Variants in RALGAPA1 observed in about 807,000 individuals in gnomAD.
The protein encoded by RALGAPA1 is Ral GTPase activating protein catalytic subunit alpha 1, also known as ral GTPase-activating protein subunit alpha-1.
RALGAPA1 carries 52 observed loss-of-function variants against 269.6 expected under a neutral mutation model. The observed-to-expected ratio is 0.19, with a 90% confidence interval of 0.15 to 0.24. The LOEUF is 0.24. Among genes scored for constraint, RALGAPA1 ranks in the 10% least tolerant of loss-of-function variants. The pLI is 1.00. For synonymous variants in RALGAPA1, 817 were observed against 1,008.3 expected, an observed-to-expected ratio of 0.81 and a Z score of 3.60; for missense variants, 1,917 against 3,013.9, an observed-to-expected ratio of 0.64 and a Z score of 8.52.
rs571208276 is a variant in RALGAPA1, at chr14:35,642,884, G to A, written c.5677-7286C>T. 2.0e-5 allele frequency among the ~76,000 whole-genome samples: 3 copies of A among 152,280 alleles called. No individual in the cohort carries two copies. In the South Asian group the frequency reaches 6.2e-4, roughly 32 times the overall value. On this transcript the variant is annotated intron_variant, in intron 31 of 41. Transcript: ENST00000680220. ...TGCTGCTATAAGGACATATGCACGT[G>A]TATGTTTACTGTGGCACTATTCACG...
intron 31 of RALGAPA1, among the ~76,000 whole-genome samples, chr14:35,644,877 C>A (rs1342272602): frequency 1.3e-5 from 2 of 152,078 alleles, no homozygotes; most frequent in South Asian, 2.1e-4. Context: ...AACAAACCTG[C>A]ACATTCTGCA....
At position 35,539,605 on chromosome 14, in the gene RALGAPA1, T is replaced by G; in HGVS notation, c.*109A>C. The G allele has an allele frequency of 6.2e-7, 1 of 1,614,034 alleles. No individual in the cohort carries two copies. On this transcript the variant is annotated 3_prime_UTR_variant, in exon 42 of 42. Coordinates refer to ENST00000680220, the MANE Select transcript of RALGAPA1 (RefSeq NM_001346249.2). The stretch of plus-strand genomic sequence containing the variant: ...TCATGGACATGCGGCTTTTGCTAGT[T>G]CGAGGAGACATTGGAGAGGCCAGGT...
chr14:35,751,973 A>C, intron 8 of RALGAPA1, 51 bp downstream of exon 8: 1 of 1,541,896 alleles, frequency 6.5e-7, no homozygotes. Context: ...ACAGTAAGAG[A>C]TTATTTTACT....
At chr14:35,808,582 G>A (rs2142001816) in intron 1 of RALGAPA1, 148 bp downstream of exon 1, 1 of 787,338 alleles carries the variant, frequency 1.3e-6, no homozygotes, top group Non-Finnish European at 2.0e-6. Context: ...TCGCTTCTCC[G>A]AATTATTCAC....
At chr14:35,790,351 T>G (rs984701283) in intron 1 of RALGAPA1, among the ~76,000 whole-genome samples, 1 of 151,936 alleles carries the variant, frequency 6.6e-6, no homozygotes, top group African/African-American at 2.4e-5. Flanking sequence ...AACAATGATA[T>G]TGGAATGGTG....
At chr14:35,540,794 T>A (rs1030096600) in intron 41 of RALGAPA1, among the ~76,000 whole-genome samples, 4 of 152,164 alleles carry the variant, frequency 2.6e-5, no homozygotes, top group African/African-American at 9.7e-5. Context: ...GTTGCAGGTT[T>A]AACTGTACAC....
At chr14:35,658,977 T>C (rs1040598288) in intron 28 of RALGAPA1, among the ~76,000 whole-genome samples, 161 bp downstream of exon 28, 6 of 152,034 alleles carry the variant, frequency 3.9e-5, no homozygotes, top group Non-Finnish European at 7.4e-5. Flanking sequence ...ATTTAAATCA[T>C]GAAAAAAAGT....
intron 41 of RALGAPA1, chr14:35,541,655 A>G: frequency 2.2e-6 from 1 of 446,082 alleles, no homozygotes; most frequent in Admixed American, 2.4e-5. Context: ...GGCAGAAGGA[A>G]AGTGAAGAGC....
chr14:35,792,924 A>G (rs2076297060), intron 1 of RALGAPA1, among the ~76,000 whole-genome samples: 1 of 151,546 alleles, frequency 6.6e-6, no homozygotes, highest in Non-Finnish European at 1.5e-5. Flanking sequence ...ATCAACTAGT[A>G]AGCTGCTGCA....
At position 35,755,298 on chromosome 14, in the gene RALGAPA1, A is replaced by G. The variant is rs146497222; in HGVS notation, c.663+1495T>C. ...GGCCCAGGAGGTTGAGGCTGCCGTAAGCCATAACTGGGCCACTGTACTCCA... is the reference window on the plus strand; with the variant it reads ...GGCCCAGGAGGTTGAGGCTGCCGTAGGCCATAACTGGGCCACTGTACTCCA... On this transcript the variant is annotated intron_variant, in intron 7 of 41. Coordinates refer to ENST00000680220, the MANE Select transcript of RALGAPA1 (RefSeq NM_001346249.2). 4.5e-3 allele frequency among the ~76,000 whole-genome samples: 691 copies of G among 152,278 alleles called. 8 individuals carry two copies. Among genetic ancestry groups the G allele is most frequent in the African/African-American group, 0.016 (666 of 41,562 alleles).
chr14:35,695,911 T>C (rs1050104127), intron 17 of RALGAPA1, among the ~76,000 whole-genome samples: 2 of 152,138 alleles, frequency 1.3e-5, no homozygotes, highest in Admixed American at 6.5e-5. Flanking sequence ...CAAAGGCCAA[T>C]GAGAGAGAAG....
In RALGAPA1 at chr14:35,647,041, A is replaced by T. The variant is rs1370520400; in HGVS notation, c.5676+4764T>A. Reference sequence around the variant, plus strand: ...TATGGACTTTGGCATCTATCTGTCAATCACAGATTCCAGTCTTGGCTCTGA... The same window carrying T: ...TATGGACTTTGGCATCTATCTGTCATTCACAGATTCCAGTCTTGGCTCTGA... On this transcript the variant is annotated intron_variant, in intron 31 of 41. Transcript: ENST00000680220. Among the ~76,000 whole-genome samples, 4 of 152,310 alleles carry T rather than the reference A, an allele frequency of 2.6e-5. No homozygotes were observed. In the East Asian group the frequency reaches 5.8e-4, roughly 22 times the overall value.
At chr14:35,805,046 G>C (rs941916072) in intron 1 of RALGAPA1, among the ~76,000 whole-genome samples, 1 of 151,594 alleles carries the variant, frequency 6.6e-6, no homozygotes, top group African/African-American at 2.4e-5. Flanking sequence ...CCAGCACTTT[G>C]GGAGGCTGAG....
At chr14:35,692,073 A>C (rs1489301687) in intron 17 of RALGAPA1, among the ~76,000 whole-genome samples, 4 of 152,124 alleles carry the variant, frequency 2.6e-5, no homozygotes, top group Non-Finnish European at 4.4e-5. Context: ...TCGGTTTTTT[A>C]CATCTGCCAT....
intron 39 of RALGAPA1, among the ~76,000 whole-genome samples, chr14:35,567,229 T>C (rs202057664): frequency 1.3e-5 from 2 of 152,056 alleles, no homozygotes; most frequent in African/African-American, 2.4e-5. Context: ...CTTAGCAAGA[T>C]TGGCTATTAA....
At chr14:35,740,906 T>G (rs1240035448) in intron 11 of RALGAPA1, among the ~76,000 whole-genome samples, 1 of 152,206 alleles carries the variant, frequency 6.6e-6, no homozygotes, top group African/African-American at 2.4e-5. Context: ...AAAATTTAAA[T>G]GACTCCCTTA....
At chr14:35,773,718 ATAATC>A (rs1316654009) in intron 3 of RALGAPA1, among the ~76,000 whole-genome samples, 1 of 152,142 alleles carries the variant, frequency 6.6e-6, no homozygotes, top group Non-Finnish European at 1.5e-5. Context: ...AGGAAGTAAT[ATAATC>A]AAATTCCTCA....
At chr14:35,616,670 C>A (rs1251083732) in intron 35 of RALGAPA1, among the ~76,000 whole-genome samples, 1 of 152,120 alleles carries the variant, frequency 6.6e-6, no homozygotes, top group African/African-American at 2.4e-5. Flanking sequence ...CCTATCAGTT[C>A]TTTTGTAAAT....
At chr14:35,539,762 C>A in intron 41 of RALGAPA1, 72 bp from the exon 42 acceptor site, 1 of 1,570,606 alleles carries the variant, frequency 6.4e-7, no homozygotes. Flanking sequence ...CTTTCTGCTA[C>A]TAATCTGCAG....
Sources: gnomAD v4.1 joint callset for allele counts (sites outside exome capture counted in the v4.1 genomes callset) on GRCh38, gnomAD v4.1.1 for gene constraint, MANE v1.5 for transcripts, NCBI Gene and HGNC (gene_info 2026-07-23, HGNC 2026-07-21) for gene names.